The following RPS6KA5 variants were observed in gnomAD, a reference collection of about 807,000 sequenced individuals.
RPS6KA5 encodes the protein ribosomal protein S6 kinase A5.
RPS6KA5 carries 27 observed loss-of-function variants against 85.5 expected under a neutral mutation model. The ratio of observed to expected loss-of-function variants is 0.32; its 90% CI spans 0.23 to 0.44. The LOEUF is 0.44. Among genes scored for constraint, RPS6KA5 ranks in the 20% least tolerant of loss-of-function variants. RPS6KA5 has a pLI of 1.00. For synonymous variants in RPS6KA5, 334 were observed against 348.2 expected, an observed-to-expected ratio of 0.96 and a Z score of 0.46; for missense variants, 811 against 980.9, an observed-to-expected ratio of 0.83 and a Z score of 2.31.
intron 14 of RPS6KA5, among the ~76,000 whole-genome samples, chr14:90,882,057 T>A (rs1030545845): frequency 5.9e-5 from 9 of 152,350 alleles, no homozygotes; most frequent in African/African-American, 1.9e-4. Context: ...TTTTTGTCCT[T>A]CATATTCTGC....
chr14:90,865,922 T>C lies in RPS6KA5; in HGVS notation c.*6152A>G, dbSNP rs2032784918. Reference sequence around the variant, plus strand: ...ATGTTTCTATCTCAGAATTTAAGTCTACTTGCTTTCTCACACAGCATCATT... The same window carrying C: ...ATGTTTCTATCTCAGAATTTAAGTCCACTTGCTTTCTCACACAGCATCATT... On this transcript the variant is annotated 3_prime_UTR_variant, in exon 17 of 17. Coordinates refer to ENST00000614987, the MANE Select transcript of RPS6KA5 (RefSeq NM_004755.4). 6.6e-6 allele frequency: 1 copy of C among 152,240 alleles called. No individual in the cohort carries two copies. Among genetic ancestry groups the C allele is most frequent in the Non-Finnish European group, 1.5e-5 (1 of 68,044 alleles). 9.4% of individuals were successfully genotyped at this position (152,240 alleles called of 1,614,324 possible).
At chr14:90,875,537 C>A (rs2033403100) in intron 14 of RPS6KA5, among the ~76,000 whole-genome samples, 177 bp from the exon 15 acceptor site, 1 of 152,126 alleles carries the variant, frequency 6.6e-6, no homozygotes, top group Non-Finnish European at 1.5e-5. Flanking sequence ...TTTGACCCAG[C>A]CATCCCATCA....
chr14:91,051,240 A>G (rs2043065471), intron 1 of RPS6KA5, among the ~76,000 whole-genome samples: 1 of 104,956 alleles, frequency 9.5e-6, no homozygotes, highest in Non-Finnish European at 1.9e-5. Context: ...CCCTGTCTAA[A>G]TAAAAATAAA....
In RPS6KA5 at chr14:91,044,402, AAAGAAAG is replaced by A. The variant is rs2042769444; in HGVS notation, c.103+15923_103+15929del. 2.7e-5 allele frequency among the ~76,000 whole-genome samples: 3 copies of A among 109,132 alleles called. No individual in the cohort carries two copies. In the Admixed American group the frequency reaches 2.8e-4, roughly 10 times the overall value. 71.6% of individuals were successfully genotyped at this position (109,132 alleles called of 152,430 possible). Reference sequence around the variant, plus strand: ...GAAAGAAAGAAAGAAGGAAAGAAAGAAAGAAAGAAAGAAAGAAAGAAAGAAAGAAAGA... The same window carrying A: ...GAAAGAAAGAAAGAAGGAAAGAAAGAAAAGAAAGAAAGAAAGAAAGAAAGA... On this transcript the variant is annotated intron_variant, in intron 1 of 16. Coordinates refer to ENST00000614987, the MANE Select transcript of RPS6KA5 (RefSeq NM_004755.4).
intron 3 of RPS6KA5, among the ~76,000 whole-genome samples, chr14:90,973,277 C>T (rs1350070746): frequency 6.6e-6 from 1 of 152,010 alleles, no homozygotes; most frequent in African/African-American, 2.4e-5. Context: ...CCTGTCTCTA[C>T]TGAAAAAATA....
At chr14:91,010,068 G>A (rs1595464471) in intron 1 of RPS6KA5, among the ~76,000 whole-genome samples, 1 of 150,270 alleles carries the variant, frequency 6.7e-6, no homozygotes, top group Non-Finnish European at 1.5e-5. Flanking sequence ...CATTAATAGG[G>A]GAAGAATGAG....
At chr14:91,007,941 A>G (rs1706748833) in intron 1 of RPS6KA5, among the ~76,000 whole-genome samples, 1 of 152,206 alleles carries the variant, frequency 6.6e-6, no homozygotes, top group Admixed American at 6.5e-5. Context: ...ACTATTGTTA[A>G]CCCTTGGCAT....
chr14:91,052,845 A>C (rs1170411645), intron 1 of RPS6KA5, among the ~76,000 whole-genome samples: 1 of 151,762 alleles, frequency 6.6e-6, no homozygotes, highest in Non-Finnish European at 1.5e-5. Context: ...AAAAAAAAAA[A>C]AAAAAAAAAG....
intron 3 of RPS6KA5, among the ~76,000 whole-genome samples, chr14:90,948,048 T>C (rs2037965683): frequency 6.6e-6 from 1 of 152,238 alleles, no homozygotes; most frequent in African/African-American, 2.4e-5. Context: ...AGACACCCTT[T>C]TATTTAGCCC....
At chr14:90,989,381 T>C (rs2040205865) in intron 2 of RPS6KA5, among the ~76,000 whole-genome samples, 1 of 152,036 alleles carries the variant, frequency 6.6e-6, no homozygotes, top group South Asian at 2.1e-4. Context: ...ACCAGAAGAG[T>C]GAATCAACTT....
At position 90,854,166 on chromosome 14, in the gene RPS6KA5, GTAATTATA is replaced by G. The variant is rs2032156872; in HGVS notation, c.*17900_*17907del. The G allele has an allele frequency of 6.6e-6, 1 of 152,030 alleles. No homozygotes were observed. Among genetic ancestry groups the G allele is most frequent in the Non-Finnish European group, 1.5e-5 (1 of 68,010 alleles). 9.4% of individuals were successfully genotyped at this position (152,030 alleles called of 1,614,324 possible). A position where few individuals can be genotyped will look rare whatever the true frequency, so the allele number is the denominator to read the frequency against. ...GACTATTGATGCAAACTAATTTTAA[GTAATTATA>G]GTGCAAGGAGCCTGATGTATGAAGA... On this transcript the variant is annotated 3_prime_UTR_variant, in exon 17 of 17. Coordinates refer to ENST00000614987, the MANE Select transcript of RPS6KA5 (RefSeq NM_004755.4).
At chr14:90,963,198 T>G (rs2038894743) in intron 3 of RPS6KA5, among the ~76,000 whole-genome samples, 1 of 152,202 alleles carries the variant, frequency 6.6e-6, no homozygotes, top group African/African-American at 2.4e-5. Context: ...TTTTATCTTT[T>G]GTTTTCTCAT....
chr14:91,048,322 A>G (rs774775535), intron 1 of RPS6KA5, among the ~76,000 whole-genome samples: 15 of 152,210 alleles, frequency 9.9e-5, no homozygotes, highest in Non-Finnish European at 1.9e-4. Flanking sequence ...ATACAAAAAT[A>G]TTATTTACGC....
At chr14:91,013,917 T>G (rs1467794843) in intron 1 of RPS6KA5, among the ~76,000 whole-genome samples, 4 of 152,246 alleles carry the variant, frequency 2.6e-5, no homozygotes, top group Admixed American at 2.6e-4. Flanking sequence ...TATTCACTAA[T>G]TCTACTCAGC....
At chr14:90,990,600 C>A (rs2040262495) in intron 2 of RPS6KA5, among the ~76,000 whole-genome samples, 1 of 152,178 alleles carries the variant, frequency 6.6e-6, no homozygotes, top group African/African-American at 2.4e-5. Flanking sequence ...ATGTTCACTG[C>A]AGCACTATTC....
intron 1 of RPS6KA5, among the ~76,000 whole-genome samples, chr14:91,025,752 C>A (rs2041965844): frequency 6.6e-6 from 1 of 151,790 alleles, no homozygotes; most frequent in African/African-American, 2.4e-5. Context: ...TTTAAAACCT[C>A]CCAACTCCAT....
chr14:91,053,943 A>G (rs2043200207), intron 1 of RPS6KA5, among the ~76,000 whole-genome samples: 1 of 152,238 alleles, frequency 6.6e-6, no homozygotes, highest in African/African-American at 2.4e-5. Flanking sequence ...AAACTTACTA[A>G]AAAACTGTAG....
chr14:90,970,884 G>A (rs910984733), intron 3 of RPS6KA5, among the ~76,000 whole-genome samples: 1 of 148,962 alleles, frequency 6.7e-6, no homozygotes, highest in Non-Finnish European at 1.5e-5. Flanking sequence ...TAAATCAGAG[G>A]CTTAAAAGAT....
intron 1 of RPS6KA5, among the ~76,000 whole-genome samples, chr14:91,059,267 G>C (rs2043502426): frequency 6.7e-6 from 1 of 150,260 alleles, no homozygotes; most frequent in Non-Finnish European, 1.5e-5. Context: ...TTGAACCCGG[G>C]AGGCGGAGGC....
Sources: allele counts gnomAD v4.1 joint callset (sites outside exome capture counted in the v4.1 genomes callset), GRCh38; gene constraint gnomAD v4.1.1; transcripts MANE v1.5; gene names NCBI Gene and HGNC (gene_info 2026-07-23, HGNC 2026-07-21).